Variants in LRP6 observed in about 807,000 individuals in gnomAD.
LRP6 encodes LDL receptor related protein 6.
Under a neutral mutation model 184.1 loss-of-function variants are expected in LRP6, and 43 were observed. The ratio of observed to expected loss-of-function variants is 0.23; its 90% CI spans 0.18 to 0.30. LRP6 has a LOEUF of 0.30. Among genes scored for constraint, LRP6 ranks in the 10% least tolerant of loss-of-function variants. LRP6 has a pLI of 1.00. For synonymous variants in LRP6, 719 were observed against 684.9 expected (o/e 1.05, Z -0.78); for missense variants, 1,571 against 2,005.3 (o/e 0.78, Z 4.14).
intron 2 of LRP6, among the ~76,000 whole-genome samples, chr12:12,220,510 A>G (rs1864459135): frequency 6.6e-6 from 1 of 152,174 alleles, no homozygotes; most frequent in African/African-American, 2.4e-5. Context: ...GAATAGCCCA[A>G]TATCCTCTTT....
intron 2 of LRP6, among the ~76,000 whole-genome samples, chr12:12,211,662 T>C (rs1269404452): frequency 6.6e-6 from 1 of 152,234 alleles, no homozygotes; most frequent in Non-Finnish European, 1.5e-5. Context: ...CATGAAATTC[T>C]GAATGTATAA....
Position 12,164,556 on chromosome 12 carries a change from T to C in LRP6, c.1769A>G (p.Asn590Ser), listed in dbSNP as rs571198308. 2 of 1,613,862 alleles carry C rather than the reference T, an allele frequency of 1.2e-6. No individual in the cohort carries two copies. Among genetic ancestry groups the C allele is most frequent in the Admixed American group, 1.7e-5 (1 of 59,982 alleles). ...TCCCCCGTTTTCCTCAGCACAGGGG[T>C]TGGAACCTAAAAGATTAATTATAAA... is the stretch of plus-strand genomic sequence containing the variant. ...ATNVHRVIGS[N>S]PCAEENGGCS... Residue 590 changes from asparagine (N) to serine (S), a missense_variant, in exon 9 of 23, where the codon AAC becomes AGC. Physicochemically the swap from Asn to Ser is conservative, Grantham distance 46 (BLOSUM62 1). Coordinates refer to ENST00000261349, the MANE Select transcript of LRP6 (RefSeq NM_002336.3).
chr12:12,144,893 T>C (rs1591882128), intron 15 of LRP6, among the ~76,000 whole-genome samples: 1 of 99,204 alleles, frequency 1.0e-5, no homozygotes. Context: ...GTGGGGAACA[T>C]CACACACTGG....
intron 19 of LRP6, among the ~76,000 whole-genome samples, chr12:12,127,780 C>A (rs746082570): frequency 6.6e-6 from 1 of 152,138 alleles, no homozygotes; most frequent in Non-Finnish European, 1.5e-5. Context: ...AGTTGCAGAT[C>A]CTTTAAAAAA....
intron 2 of LRP6, among the ~76,000 whole-genome samples, chr12:12,226,065 C>G (rs1864615351): frequency 6.6e-6 from 1 of 152,136 alleles, no homozygotes. Flanking sequence ...AAGAGAAATA[C>G]TTAACTCCAG....
At chr12:12,165,369 T>C in intron 7 of LRP6, 74 bp from the exon 8 acceptor site, 1 of 1,017,642 alleles carries the variant, frequency 9.8e-7, no homozygotes, top group Non-Finnish European at 1.5e-6. Context: ...CAAATCCAAC[T>C]GCCTGTTGTA....
chr12:12,184,101 T>C lies in LRP6; in HGVS notation c.855A>G (p.Pro285=). ...SQQRQPNATN[P]CGIDNGGCSH... is the part of the protein sequence containing the mutation. ...AACAACCCCCATTGTCAATTCCACA[T>C]GGATTTGTGGCTGTCAAATATAAAT... The change falls in exon 5 of 23, where the codon CCA becomes CCG. Residue 285 remains proline, a synonymous_variant. Coordinates refer to ENST00000261349, the MANE Select transcript of LRP6 (RefSeq NM_002336.3). 1 of 1,613,474 alleles carries C rather than the reference T, an allele frequency of 6.2e-7. No individual in the cohort carries two copies. Among genetic ancestry groups the C allele is most frequent in the African/African-American group, 1.3e-5 (1 of 75,030 alleles).
chr12:12,180,177 G>C (rs1364627250), intron 6 of LRP6, among the ~76,000 whole-genome samples, 196 bp from the exon 7 acceptor site: 1 of 147,026 alleles, frequency 6.8e-6, no homozygotes, highest in Admixed American at 6.8e-5. Flanking sequence ...GAAATTTTCA[G>C]ATCAGTGTGT....
intron 21 of LRP6, 149 bp downstream of exon 21, chr12:12,125,147 G>T: frequency 1.3e-6 from 1 of 769,982 alleles, no homozygotes; most frequent in Non-Finnish European, 2.2e-6. Flanking sequence ...ATGGATGGTG[G>T]TGTGTGGTAA....
chr12:12,126,966 G>T, intron 19 of LRP6, 45 bp from the exon 20 acceptor site: 1 of 1,464,392 alleles, frequency 6.8e-7, no homozygotes, highest in Non-Finnish European at 9.6e-7. Context: ...AAAAACAACT[G>T]TATATTCAAA....
At chr12:12,162,044 C>T (rs1862753760) in intron 10 of LRP6, 149 bp downstream of exon 10, 3 of 666,630 alleles carry the variant, frequency 4.5e-6, no homozygotes, top group South Asian at 3.8e-5. Flanking sequence ...AGCAAAATAT[C>T]AATAGTGTTT....
chr12:12,134,052 C>A (rs542867589), intron 17 of LRP6, among the ~76,000 whole-genome samples: 5 of 152,122 alleles, frequency 3.3e-5, no homozygotes, highest in African/African-American at 1.2e-4. Context: ...AAATCCCCTA[C>A]GGTCCAAGCA....
intron 3 of LRP6, among the ~76,000 whole-genome samples, chr12:12,192,367 A>G (rs1160043414): frequency 6.6e-6 from 1 of 151,496 alleles, no homozygotes; most frequent in East Asian, 1.9e-4. Flanking sequence ...AGGAACAAAG[A>G]TGACATAAGA....
intron 3 of LRP6, 86 bp from the exon 4 acceptor site, chr12:12,187,205 A>G: frequency 1.8e-6 from 2 of 1,104,812 alleles, no homozygotes; most frequent in Non-Finnish European, 2.7e-6. Context: ...AAATGATCTT[A>G]GTTCACATTA....
chr12:12,157,279 G>T (rs1862613767), intron 12 of LRP6, among the ~76,000 whole-genome samples: 1 of 151,776 alleles, frequency 6.6e-6, no homozygotes, highest in Non-Finnish European at 1.5e-5. Context: ...ACTTCTGCTT[G>T]CTCTAGCTTC....
intron 3 of LRP6, among the ~76,000 whole-genome samples, chr12:12,202,385 T>C (rs1443215617): frequency 6.6e-6 from 1 of 152,016 alleles, no homozygotes; most frequent in Non-Finnish European, 1.5e-5. Flanking sequence ...TTTACAAAAA[T>C]GACAAAAATT....
intron 22 of LRP6, among the ~76,000 whole-genome samples, chr12:12,122,037 A>C (rs1385738484): frequency 6.6e-6 from 1 of 152,322 alleles, no homozygotes; most frequent in East Asian, 1.9e-4. Context: ...TGTATAGGTA[A>C]GTACCTCTCA....
At chr12:12,192,383 TA>T (rs530967386) in intron 3 of LRP6, among the ~76,000 whole-genome samples, 318 of 138,264 alleles carry the variant, frequency 2.3e-3, no homozygotes, top group East Asian at 0.011. Flanking sequence ...TAAGATAATT[TA>T]AAAAAAAAAA....
intron 16 of LRP6, among the ~76,000 whole-genome samples, chr12:12,136,122 G>A (rs954614928): frequency 7.2e-5 from 11 of 152,082 alleles, no homozygotes; most frequent in African/African-American, 2.4e-4. Context: ...GGGAGGCGGA[G>A]GTTACAGTGA....
Sources: gnomAD v4.1 joint callset for allele counts (sites outside exome capture counted in the v4.1 genomes callset) on GRCh38, gnomAD v4.1.1 for gene constraint, MANE v1.5 for transcripts, NCBI Gene and HGNC (gene_info 2026-07-23, HGNC 2026-07-21) for gene names.